The following PTPRN2 variants were observed in gnomAD, a reference collection of about 807,000 sequenced individuals.
PTPRN2 encodes protein tyrosine phosphatase receptor type N2, also known as receptor-type tyrosine-protein phosphatase N2.
In PTPRN2, 74 loss-of-function variants were observed where a neutral mutation model predicts 118.8. That is an observed-to-expected ratio of 0.62 (90% CI 0.52 to 0.76). The LOEUF (loss-of-function observed/expected upper bound fraction) is 0.76. PTPRN2 is among the 30% of genes least tolerant of loss of function. The pLI is 0.00. For missense variants in PTPRN2, 1,481 were observed against 1,394.4 expected (o/e 1.06, Z -0.99); for synonymous variants, 641 against 608.0 (o/e 1.05, Z -0.80).
At chr7:157,913,638 T>G (rs1798217135) in intron 11 of PTPRN2, among the ~76,000 whole-genome samples, 1 of 152,264 alleles carries the variant, frequency 6.6e-6, no homozygotes, top group Admixed American at 6.5e-5. Flanking sequence ...CTGTATCTAT[T>G]GAGATAATAA....
chr7:158,576,585 C>T (rs1276238262), intron 1 of PTPRN2, among the ~76,000 whole-genome samples: 1 of 152,192 alleles, frequency 6.6e-6, no homozygotes, highest in Non-Finnish European at 1.5e-5. Flanking sequence ...ACATAAGGAA[C>T]AGGAACACAC....
intron 11 of PTPRN2, among the ~76,000 whole-genome samples, chr7:158,078,725 C>T (rs1812570948): frequency 6.6e-6 from 1 of 152,160 alleles, no homozygotes; most frequent in South Asian, 2.1e-4. Flanking sequence ...CACCAGTCAC[C>T]AACCGTGCTA....
intron 11 of PTPRN2, among the ~76,000 whole-genome samples, chr7:157,906,918 A>G (rs1797803067): frequency 6.6e-6 from 1 of 152,118 alleles, no homozygotes; most frequent in African/African-American, 2.4e-5. Flanking sequence ...GACCTCTAAC[A>G]TGTCTTAACA....
Position 157,591,493 on chromosome 7 carries a change from C to T in PTPRN2, c.2496+3745G>A, listed in dbSNP as rs1401483306. On this transcript the variant is annotated intron_variant, in intron 17 of 22. Coordinates refer to ENST00000389418, the MANE Select transcript of PTPRN2 (RefSeq NM_002847.5). This position sits in a 1 kb window ranked among gnomAD's most constrained non-coding sequence, Gnocchi z 4.4. Reference sequence around the variant, plus strand: ...CTGTTGACTTCGTCATCACCAACTTCGCATTTCAAATCCACCTTTGTCCTT... The same window carrying T: ...CTGTTGACTTCGTCATCACCAACTTTGCATTTCAAATCCACCTTTGTCCTT... Among the ~76,000 whole-genome samples the T allele has an allele frequency of 2.0e-5, 3 of 152,212 alleles. No individual in the cohort carries two copies. Among genetic ancestry groups the T allele is most frequent in the Non-Finnish European group, 2.9e-5 (2 of 68,042 alleles).
At chr7:157,608,810 T>TA (rs1334099858) in intron 15 of PTPRN2, among the ~76,000 whole-genome samples, 4 of 152,076 alleles carry the variant, frequency 2.6e-5, no homozygotes, top group Non-Finnish European at 5.9e-5. Flanking sequence ...TCAAATGAAA[T>TA]ATCAGACCTC....
In PTPRN2 at chr7:158,587,729, CCGAGTCCGGGCCCA is replaced by C; in HGVS notation, c.-74_-61del. On this transcript the variant is annotated 5_prime_UTR_variant, in exon 1 of 23. Coordinates refer to ENST00000389418, the MANE Select transcript of PTPRN2 (RefSeq NM_002847.5). ...CCGCGCGGGAGGCGGCGGGAGGCGG[CCGAGTCCGGGCCCA>C]GGGAGGCGCGCGCCGCCGGCTCCTC... The C allele has an allele frequency of 8.9e-7, 1 of 1,128,130 alleles. No homozygotes were observed. The highest frequency in any genetic ancestry group is 1.1e-6 in the Non-Finnish European group (1 of 923,234). The allele number at this position is 1,128,130 out of a possible 1,614,324, so 69.9% of individuals were successfully genotyped here. A position where few individuals can be genotyped will look rare whatever the true frequency, so the allele number is the denominator to read the frequency against.
rs947958488 is a variant in PTPRN2 at position 157,794,524 on chromosome 7, G to A, written c.1788+104149C>T. ...TAGGCTCTCCCTCTCTGAGTCAAAG[G>A]AGGCAATTATACAATAGGACTATCA... On this transcript the variant is annotated intron_variant, in intron 12 of 22. Coordinates refer to ENST00000389418, the MANE Select transcript of PTPRN2 (RefSeq NM_002847.5). The surrounding 1 kb of genome is among the most constrained non-coding windows in gnomAD (Gnocchi z 5.2). Among the ~76,000 whole-genome samples, 1 of 152,224 alleles carries A rather than the reference G, an allele frequency of 6.6e-6. No individual in the cohort carries two copies. The highest frequency in any genetic ancestry group is 1.5e-5 in the Non-Finnish European group (1 of 68,050).
intron 2 of PTPRN2, among the ~76,000 whole-genome samples, chr7:158,456,574 C>T (rs190364867): frequency 7.9e-4 from 118 of 150,158 alleles, no homozygotes; most frequent in African/African-American, 2.6e-3. Flanking sequence ...CCATCGGCCA[C>T]GGCCCCCCAT....
At chr7:157,853,601 G>A (rs1435341759) in intron 12 of PTPRN2, among the ~76,000 whole-genome samples, 3 of 152,098 alleles carry the variant, frequency 2.0e-5, no homozygotes, top group African/African-American at 7.2e-5. Context: ...CCTTGGAGCA[G>A]ACAAGAGCTG....
intron 3 of PTPRN2, among the ~76,000 whole-genome samples, chr7:158,295,652 C>T (rs945554201): frequency 6.6e-6 from 1 of 151,032 alleles, no homozygotes; most frequent in Admixed American, 6.6e-5. Context: ...CCATGGGGCC[C>T]GCTGACCCTG....
At chr7:158,112,301 C>T (rs1816348191) in intron 9 of PTPRN2, among the ~76,000 whole-genome samples, 1 of 152,200 alleles carries the variant, frequency 6.6e-6, no homozygotes, top group Non-Finnish European at 1.5e-5. Context: ...TATAGGAGGC[C>T]TCTCCAGTGG....
At chr7:157,559,386 GCCCCTGGAAA>G (rs1799066046) in intron 21 of PTPRN2, among the ~76,000 whole-genome samples, 1 of 152,318 alleles carries the variant, frequency 6.6e-6, no homozygotes, top group East Asian at 1.9e-4. Context: ...CTCCACATGG[GCCCCTGGAAA>G]CCCAGGATAG....
At chr7:158,523,200 G>C (rs1336559911) in intron 1 of PTPRN2, among the ~76,000 whole-genome samples, 1 of 152,210 alleles carries the variant, frequency 6.6e-6, no homozygotes, top group African/African-American at 2.4e-5. Flanking sequence ...AGCCAGGTTG[G>C]GGTCTGGGGA....
intron 12 of PTPRN2, among the ~76,000 whole-genome samples, chr7:157,873,809 G>A (rs1795538481): frequency 6.6e-6 from 1 of 152,152 alleles, no homozygotes; most frequent in Non-Finnish European, 1.5e-5. Flanking sequence ...CACACTGGGG[G>A]CACAGGTCAG....
chr7:158,402,652 C>T (rs2151408697), intron 2 of PTPRN2, among the ~76,000 whole-genome samples: 1 of 152,326 alleles, frequency 6.6e-6, no homozygotes, highest in Middle Eastern at 3.4e-3. Context: ...CGGCCTTGGG[C>T]AAGCCCTGCG....
intron 11 of PTPRN2, among the ~76,000 whole-genome samples, chr7:157,910,473 C>T (rs1243180703): frequency 2.1e-5 from 3 of 143,954 alleles, no homozygotes; most frequent in Non-Finnish European, 4.5e-5. Context: ...GCACGTACGC[C>T]GTGGGGACGG....
At chr7:158,483,618 C>T (rs1820794652) in intron 2 of PTPRN2, among the ~76,000 whole-genome samples, 1 of 152,162 alleles carries the variant, frequency 6.6e-6, no homozygotes, top group African/African-American at 2.4e-5. Flanking sequence ...ATGGTGGAGC[C>T]AGCATTTTCA....
chr7:157,945,141 A>G (rs1800389653), intron 11 of PTPRN2, among the ~76,000 whole-genome samples: 1 of 152,070 alleles, frequency 6.6e-6, no homozygotes, highest in Non-Finnish European at 1.5e-5. Context: ...CAGAGCAGGG[A>G]TCCGTGCAGG....
intron 1 of PTPRN2, among the ~76,000 whole-genome samples, chr7:158,493,792 C>T (rs1214575573): frequency 2.2e-5 from 3 of 135,106 alleles, no homozygotes; most frequent in African/African-American, 5.5e-5. Context: ...CATTCACAGG[C>T]ACACTCATGC....
Sources: allele counts gnomAD v4.1 joint callset (sites outside exome capture counted in the v4.1 genomes callset), GRCh38; gene constraint gnomAD v4.1.1; non-coding constraint Gnocchi (gnomAD v3.1); transcripts MANE v1.5; gene names NCBI Gene and HGNC (gene_info 2026-07-23, HGNC 2026-07-21).